Variants in HSPA9 observed in about 807,000 individuals in gnomAD.
HSPA9 encodes the protein heat shock protein family A (Hsp70) member 9.
Under a neutral mutation model 81.5 loss-of-function variants are expected in HSPA9, and 28 were observed. The observed-to-expected ratio is 0.34, with a 90% CI of 0.25 to 0.47. HSPA9 has a LOEUF of 0.47. HSPA9 is among the 20% of genes least tolerant of loss of function. HSPA9 has a pLI of 1.00. For missense variants in HSPA9, 678 were observed against 838.0 expected, an observed-to-expected ratio of 0.81 and a Z score of 2.36; for synonymous variants, 293 against 290.4, an observed-to-expected ratio of 1.01 and a Z score of -0.09.
At chr5:138,557,143 A>C in intron 14 of HSPA9, 2 of 602,072 alleles carry the variant, frequency 3.3e-6, no homozygotes, top group Non-Finnish European at 5.9e-6. Context: ...AGATTATCTT[A>C]GGTTTTCTCT....
At chr5:138,572,870 G>A (rs923713536) in intron 3 of HSPA9, among the ~76,000 whole-genome samples, 1 of 151,998 alleles carries the variant, frequency 6.6e-6, no homozygotes, top group Non-Finnish European at 1.5e-5. Context: ...TCCCAACATT[G>A]GGTATGAAAA....
intron 9 of HSPA9, among the ~76,000 whole-genome samples, chr5:138,565,335 T>C (rs1033882098): frequency 1.1e-4 from 17 of 152,050 alleles, no homozygotes; most frequent in Admixed American, 6.6e-5. Context: ...AGCAAGACCA[T>C]GGATGCGTGT....
intron 13 of HSPA9, 146 bp from the exon 14 acceptor site, chr5:138,557,642 C>G: frequency 1.3e-6 from 1 of 742,098 alleles, no homozygotes. Flanking sequence ...TCCTATAAAG[C>G]AAAATGAAAC....
At chr5:138,557,530 A>T (rs372592380) in intron 13 of HSPA9, 34 bp from the exon 14 acceptor site, 2 of 1,321,592 alleles carry the variant, frequency 1.5e-6, no homozygotes, top group African/African-American at 2.9e-5. Flanking sequence ...ATTAATTCCC[A>T]GGTAAAGTTA....
At chr5:138,574,284 G>T (rs41294564) in intron 1 of HSPA9, 158 bp from the exon 2 acceptor site, 23,246 of 667,854 alleles carry the variant, frequency 0.035, 535 homozygotes, top group Non-Finnish European at 0.047. Flanking sequence ...GTAAATAAAA[G>T]ATGGCCTTAG....
At chr5:138,575,171 C>A in intron 1 of HSPA9, 67 bp downstream of exon 1, 2 of 1,134,620 alleles carry the variant, frequency 1.8e-6, no homozygotes, top group South Asian at 1.3e-5. Flanking sequence ...GCGCGGCCTG[C>A]CGCAGCGAAG....
chr5:138,560,850 G>T (rs776119386), intron 10 of HSPA9: 1 of 431,172 alleles, frequency 2.3e-6, no homozygotes, highest in South Asian at 1.7e-5. Context: ...ACCCGGCCTC[G>T]GGGATTTCTT....
chr5:138,556,314 G>A, intron 16 of HSPA9, 138 bp downstream of exon 16: 1 of 1,185,398 alleles, frequency 8.4e-7, no homozygotes, highest in Non-Finnish European at 1.2e-6. Context: ...GTAGAGTCAA[G>A]ACGGCAGGAG....
At chr5:138,571,319 T>C (rs975908342) in intron 3 of HSPA9, among the ~76,000 whole-genome samples, 178 bp from the exon 4 acceptor site, 4 of 152,154 alleles carry the variant, frequency 2.6e-5, no homozygotes, top group African/African-American at 9.7e-5. Flanking sequence ...TAGCTGGTAC[T>C]ATAGGCGTGC....
intron 3 of HSPA9, among the ~76,000 whole-genome samples, chr5:138,572,808 C>T (rs561835691): frequency 6.6e-6 from 1 of 152,080 alleles, no homozygotes; most frequent in Non-Finnish European, 1.5e-5. Flanking sequence ...GGCCAACCCC[C>T]CAAAAAACTT....
Position 138,559,919 on chromosome 5 carries a change from C to T in HSPA9, c.1355G>A (p.Gly452Asp). ...CCTATTAATAAGTTTGGTAAAGACACCTCCTAGAGTTTCAATACCCAGAGA... is the reference window on the plus strand; with the variant it reads ...CCTATTAATAAGTTTGGTAAAGACATCTCCTAGAGTTTCAATACCCAGAGA... ...PLSLGIETLG[G>D]VFTKLINRNT... Residue 452 changes from glycine (G) to aspartate (D), a missense_variant, in exon 11 of 17, where the codon GGT becomes GAT. Coordinates refer to ENST00000297185, the MANE Select transcript of HSPA9 (RefSeq NM_004134.7). 6.2e-7 allele frequency: 1 copy of T among 1,614,080 alleles called. No individual in the cohort carries two copies. The highest frequency in any genetic ancestry group is 8.5e-7 in the Non-Finnish European group (1 of 1,179,984).
intron 9 of HSPA9, among the ~76,000 whole-genome samples, chr5:138,563,106 T>A (rs536763939): frequency 3.9e-5 from 6 of 152,316 alleles, no homozygotes; most frequent in Admixed American, 1.3e-4. Context: ...TACCTAAATA[T>A]TATTGACAAT....
At chr5:138,563,748 T>C (rs1223911881) in intron 9 of HSPA9, among the ~76,000 whole-genome samples, 1 of 152,150 alleles carries the variant, frequency 6.6e-6, no homozygotes, top group Non-Finnish European at 1.5e-5. Flanking sequence ...ACACATAAAA[T>C]ACATTAACAC....
chr5:138,558,621 C>T lies in HSPA9; in HGVS notation c.1447G>A (p.Glu483Lys). The T allele has an allele frequency of 1.2e-6, 2 of 1,613,910 alleles. No individual in the cohort carries two copies. The highest frequency in any genetic ancestry group is 1.7e-6 in the Non-Finnish European group (2 of 1,179,830). The change falls in exon 12 of 17, where the codon GAA becomes AAA. Residue 483 changes from glutamate to lysine, a missense_variant. Glu to Lys is a moderately conservative substitution (Grantham distance 56). Transcript: ENST00000297185. ...CTTTCACCCTGACACACTTTAATTT[C>T]CACTTGCGTTTGACCATCAGCGGCA... ...STAADGQTQV[E>K]IKVCQGEREM... is the part of the protein sequence containing the mutation.
At chr5:138,559,073 C>A in intron 11 of HSPA9, 1 of 199,562 alleles carries the variant, frequency 5.0e-6, no homozygotes, top group Non-Finnish European at 1.0e-5. Flanking sequence ...TATGGAAAAA[C>A]ATCACAAGAT....
chr5:138,571,539 C>T (rs41295701), intron 3 of HSPA9, among the ~76,000 whole-genome samples: 142 of 152,144 alleles, frequency 9.3e-4, no homozygotes, highest in African/African-American at 3.3e-3. Context: ...TCCCAAATTG[C>T]GAAACAAATG....
chr5:138,568,753 T>C (rs1313664127), intron 5 of HSPA9, among the ~76,000 whole-genome samples, 172 bp downstream of exon 5: 1 of 152,222 alleles, frequency 6.6e-6, no homozygotes, highest in Non-Finnish European at 1.5e-5. Context: ...GATTTGAAGA[T>C]TAATTCAATC....
intron 4 of HSPA9, among the ~76,000 whole-genome samples, chr5:138,569,737 G>GAC (rs895698538): frequency 6.6e-6 from 1 of 152,002 alleles, no homozygotes; most frequent in Non-Finnish European, 1.5e-5. Context: ...TATAGACAGA[G>GAC]ACACACACAG....
chr5:138,571,960 C>CTTTT lies in HSPA9; in HGVS notation c.229-823_229-820dup, dbSNP rs10694029. Among the ~76,000 whole-genome samples the CTTTT allele has an allele frequency of 3.4e-3, 341 of 100,428 alleles. 45 individuals carry two copies. The highest frequency in any genetic ancestry group is 0.011 in the African/African-American group (264 of 23,660). 65.9% of individuals were successfully genotyped at this position (100,428 alleles called of 152,430 possible). ...TACAGGCTTGAGGCACTGCGCCTGG[C>CTTTT]TTTTTTTTTTTTTTTTGAGACAGAG... On this transcript the variant is annotated intron_variant, in intron 3 of 16. Transcript: ENST00000297185.
Sources: allele counts gnomAD v4.1 joint callset (sites outside exome capture counted in the v4.1 genomes callset), GRCh38; gene constraint gnomAD v4.1.1; transcripts MANE v1.5; gene names NCBI Gene and HGNC (gene_info 2026-07-23, HGNC 2026-07-21).